CFAP107: variants seen among roughly 807,000 people sequenced by gnomAD.
CFAP107 encodes cilia- and flagella-associated protein 107.
the CFAP107 span, chr1:12,761,099 G>A: frequency 2.1e-5 from 15 of 714,076 alleles, no homozygotes; most frequent in African/African-American, 5.4e-5. Flanking sequence ...TGCATTTGGC[G>A]GTACCTGTCC....
chr1:12,760,770 C>A, the CFAP107 span: 43 of 1,612,442 alleles, frequency 2.7e-5, no homozygotes, highest in Non-Finnish European at 2.9e-5. Context: ...TCTCTTGCAG[C>A]TCCCCCTACA....
At chr1:12,755,136 G>A in the CFAP107 span, among the ~76,000 whole-genome samples, 18 of 152,378 alleles carry the variant, frequency 1.2e-4, no homozygotes, top group South Asian at 3.3e-3. Context: ...GCCGGGCACA[G>A]TGGCTCATGC....
chr1:12,748,601 A>C, the CFAP107 span, among the ~76,000 whole-genome samples: 5 of 152,168 alleles, frequency 3.3e-5, no homozygotes, highest in Non-Finnish European at 7.3e-5. Context: ...TCTTCCCTGC[A>C]CAGAGTCAGT....
At chr1:12,758,180 C>T in the CFAP107 span, among the ~76,000 whole-genome samples, 2 of 151,614 alleles carry the variant, frequency 1.3e-5, no homozygotes, top group African/African-American at 2.4e-5. Flanking sequence ...CAGGGCATGG[C>T]GTGCCCTTCC....
At chr1:12,756,060 T>G in the CFAP107 span, among the ~76,000 whole-genome samples, 1 of 152,148 alleles carries the variant, frequency 6.6e-6, no homozygotes, top group Non-Finnish European at 1.5e-5. Context: ...ATCACACTCT[T>G]CCAACAGAAT....
chr1:12,748,730 G>A, the CFAP107 span, among the ~76,000 whole-genome samples: 7 of 152,048 alleles, frequency 4.6e-5, no homozygotes, highest in African/African-American at 1.7e-4. Context: ...AATAAAGTGA[G>A]AGAATAAACA....
At chr1:12,760,202 G>T in the CFAP107 span, among the ~76,000 whole-genome samples, 1 of 152,150 alleles carries the variant, frequency 6.6e-6, no homozygotes, top group Non-Finnish European at 1.5e-5. Context: ...GCACAGTGAA[G>T]GGAATGAAAT....
chr1:12,761,239 T>G, the CFAP107 span: 1 of 296,916 alleles, frequency 3.4e-6, no homozygotes. Flanking sequence ...CCTTAAGTTC[T>G]ACCCTGTTGT....
At chr1:12,746,519 A>G in the CFAP107 span, 1 of 1,613,066 alleles carries the variant, frequency 6.2e-7, no homozygotes, top group Non-Finnish European at 8.5e-7. Context: ...CTCACTGGAA[A>G]TTGGATGGAA....
chr1:12,746,621 C>A, the CFAP107 span: 1 of 1,007,350 alleles, frequency 9.9e-7, no homozygotes, highest in Non-Finnish European at 1.6e-6. Context: ...TCACTATTTT[C>A]AAATGGAGGG....
At chr1:12,749,316 A>G in the CFAP107 span, among the ~76,000 whole-genome samples, 1 of 152,148 alleles carries the variant, frequency 6.6e-6, no homozygotes, top group Admixed American at 6.5e-5. Context: ...CTCCTCAGTG[A>G]GATTGTTATG....
At chr1:12,749,698 A>C in the CFAP107 span, among the ~76,000 whole-genome samples, 1 of 152,242 alleles carries the variant, frequency 6.6e-6, no homozygotes, top group Non-Finnish European at 1.5e-5. Context: ...GTGGGATAAT[A>C]CATTTAAAGT....
the CFAP107 span, among the ~76,000 whole-genome samples, chr1:12,748,646 C>T: frequency 1.7e-4 from 26 of 151,830 alleles, no homozygotes; most frequent in Non-Finnish European, 2.2e-4. Flanking sequence ...GCTTTTCAAA[C>T]GCCCAATTTT....
chr1:12,753,012 A>G, the CFAP107 span, among the ~76,000 whole-genome samples: 1 of 152,190 alleles, frequency 6.6e-6, no homozygotes, highest in African/African-American at 2.4e-5. Flanking sequence ...CCATACACAA[A>G]CTGTTAGAAC....
At chr1:12,756,221 G>A in the CFAP107 span, among the ~76,000 whole-genome samples, 2 of 152,208 alleles carry the variant, frequency 1.3e-5, no homozygotes, top group East Asian at 3.9e-4. Flanking sequence ...TCTTTCGCAT[G>A]AAAAGTCAAG....
the CFAP107 span, chr1:12,761,052 G>T: frequency 8.4e-7 from 1 of 1,193,762 alleles, no homozygotes. Context: ...CAGAGTACGA[G>T]ATCTGGCCCG....
chr1:12,746,530 G>T, the CFAP107 span: 118 of 1,611,962 alleles, frequency 7.3e-5, no homozygotes, highest in Middle Eastern at 3.3e-4. Flanking sequence ...TTGGATGGAA[G>T]AGAGGAGAAA....
At chr1:12,757,554 T>C in the CFAP107 span, among the ~76,000 whole-genome samples, 1 of 152,012 alleles carries the variant, frequency 6.6e-6, no homozygotes, top group Non-Finnish European at 1.5e-5. Flanking sequence ...GGCTAATTTT[T>C]TTTGTATTTT....
the CFAP107 span, chr1:12,761,300 A>G: frequency 1.0e-5 from 2 of 192,882 alleles, no homozygotes; most frequent in Non-Finnish European, 1.1e-5. Context: ...CTTGCTGAAG[A>G]GTCTACTCCC....
Sources: gnomAD v4.1 joint callset for allele counts (sites outside exome capture counted in the v4.1 genomes callset) on GRCh38, gnomAD v4.1.1 for gene constraint, MANE v1.5 for transcripts, NCBI Gene and HGNC (gene_info 2026-07-23, HGNC 2026-07-21) for gene names.